SRGAP3: variants seen among roughly 807,000 people sequenced by gnomAD.
The protein encoded by SRGAP3 is SLIT-ROBO Rho GTPase activating protein 3.
Under a neutral mutation model 121.1 loss-of-function variants are expected in SRGAP3, and 39 were observed. The ratio of observed to expected loss-of-function variants is 0.32; its 90% CI spans 0.25 to 0.42. The LOEUF is 0.42. Ranked by LOEUF, SRGAP3 falls within the 10% of genes least tolerant of loss-of-function variation. The pLI, the probability that SRGAP3 is intolerant of heterozygous loss-of-function variation, is 1.00. For missense variants in SRGAP3, 1,213 were observed against 1,470.6 expected (o/e 0.82, Z 2.86); for synonymous variants, 601 against 570.0 (o/e 1.05, Z -0.77).
At chr3:9,118,465 G>T (rs1418486633) in intron 2 of SRGAP3, among the ~76,000 whole-genome samples, 1 of 152,212 alleles carries the variant, frequency 6.6e-6, no homozygotes, top group African/African-American at 2.4e-5. Context: ...TCCTGCTCAG[G>T]AAGGGCTCAG....
At chr3:9,057,768 T>A (rs1260215927) in intron 7 of SRGAP3, among the ~76,000 whole-genome samples, 1 of 152,206 alleles carries the variant, frequency 6.6e-6, no homozygotes, top group Non-Finnish European at 1.5e-5. Flanking sequence ...CATTTGTTTT[T>A]CGTTTGTTTT....
At chr3:9,353,172 C>T (rs73811475) in intron 1 of SRGAP3, among the ~76,000 whole-genome samples, 2,673 of 152,312 alleles carry the variant, frequency 0.018, 91 homozygotes, top group African/African-American at 0.06. Flanking sequence ...GACCTGATGG[C>T]TATCCATGTT....
intron 1 of SRGAP3, among the ~76,000 whole-genome samples, chr3:9,244,541 A>T (rs1419148014): frequency 3.9e-5 from 6 of 152,204 alleles, no homozygotes; most frequent in Non-Finnish European, 8.8e-5. Flanking sequence ...ACTAACCATC[A>T]TGTCTGGCAG....
At chr3:9,046,747 C>T (rs1338165310) in intron 10 of SRGAP3, among the ~76,000 whole-genome samples, 3 of 152,304 alleles carry the variant, frequency 2.0e-5, no homozygotes, top group East Asian at 3.9e-4. Context: ...CACTCCCTAC[C>T]TGATGGATGC....
In SRGAP3 at chr3:9,163,303, G is replaced by A. The variant is rs150705166; in HGVS notation, c.68-38386C>T. On this transcript the variant is annotated intron_variant, in intron 1 of 21. Transcript: ENST00000383836. ...CCAACCTGCGGCTCCAAGCTAAGGC[G>A]GCAGGGCCTGGGGCCTCCTCCAGGG... is the stretch of plus-strand genomic sequence containing the variant. 4.4e-3 allele frequency among the ~76,000 whole-genome samples: 668 copies of A among 152,284 alleles called. 3 individuals carry two copies. Among genetic ancestry groups the A allele is most frequent in the African/African-American group, 0.015 (625 of 41,560 alleles).
intron 1 of SRGAP3, among the ~76,000 whole-genome samples, chr3:9,213,937 A>G (rs1421570577): frequency 6.6e-6 from 1 of 152,128 alleles, no homozygotes; most frequent in Admixed American, 6.5e-5. Flanking sequence ...TGACATTTCA[A>G]TATCAGCTTA....
intron 1 of SRGAP3, among the ~76,000 whole-genome samples, chr3:9,354,655 C>T (rs202015304): frequency 2.2e-5 from 3 of 133,386 alleles, no homozygotes; most frequent in Non-Finnish European, 4.6e-5. Context: ...GCACTCCAGC[C>T]GGGGTGACAG....
chr3:9,309,523 T>C (rs1022902061), intron 3 of SRGAP3, among the ~76,000 whole-genome samples: 6 of 152,138 alleles, frequency 3.9e-5, no homozygotes, highest in African/African-American at 1.4e-4. Flanking sequence ...ATCCAGGAAA[T>C]TAGGATCAAT....
At chr3:9,320,547 C>T (rs1479231393) in intron 3 of SRGAP3, among the ~76,000 whole-genome samples, 2 of 151,922 alleles carry the variant, frequency 1.3e-5, no homozygotes, top group Non-Finnish European at 2.9e-5. Context: ...CCTTTGCTTT[C>T]CGCCATGATT....
intron 1 of SRGAP3, among the ~76,000 whole-genome samples, chr3:9,361,426 G>T (rs2030818575): frequency 1.3e-5 from 2 of 152,052 alleles, no homozygotes; most frequent in Non-Finnish European, 2.9e-5. Flanking sequence ...TATAAATTGT[G>T]TTCTTTTTGG....
At chr3:9,112,623 C>T (rs534365224) in intron 2 of SRGAP3, among the ~76,000 whole-genome samples, 7 of 152,264 alleles carry the variant, frequency 4.6e-5, no homozygotes, top group African/African-American at 1.7e-4. Flanking sequence ...CTGCCCTCTC[C>T]TGGGGAAGGC....
At chr3:9,288,328 G>T (rs1387741947) in intron 3 of SRGAP3, among the ~76,000 whole-genome samples, 1 of 151,222 alleles carries the variant, frequency 6.6e-6, no homozygotes, top group Non-Finnish European at 1.5e-5. Flanking sequence ...AGTAGAGACG[G>T]GTTTCACCAT....
At chr3:9,064,304 A>T in intron 5 of SRGAP3, 92 bp downstream of exon 5, 1 of 1,553,850 alleles carries the variant, frequency 6.4e-7, no homozygotes. Flanking sequence ...ATGCAGGGGA[A>T]TAAGGGGGAA....
At chr3:9,198,731 G>T (rs1951983897) in intron 1 of SRGAP3, among the ~76,000 whole-genome samples, 1 of 152,178 alleles carries the variant, frequency 6.6e-6, no homozygotes, top group Non-Finnish European at 1.5e-5. Context: ...GGAAGAGGTT[G>T]CAGGGCCCAG....
chr3:9,026,185 C>T (rs964523019), intron 13 of SRGAP3, among the ~76,000 whole-genome samples: 3 of 152,200 alleles, frequency 2.0e-5, no homozygotes, highest in Non-Finnish European at 2.9e-5. Flanking sequence ...ATCACCCCCT[C>T]GGAGAAATCT....
intron 1 of SRGAP3, among the ~76,000 whole-genome samples, chr3:9,237,533 C>T (rs2245077): frequency 0.11 from 16,191 of 152,208 alleles, 957 homozygotes; most frequent in South Asian, 0.18. Flanking sequence ...TGCTGTTCGG[C>T]TACTTAAGAT....
upstream of SRGAP3, among the ~76,000 whole-genome samples, chr3:9,251,336 G>C (rs1954011649): frequency 6.6e-6 from 1 of 152,156 alleles, no homozygotes; most frequent in Non-Finnish European, 1.5e-5. Context: ...CGCAGCCCTT[G>C]CCATCACCCC....
chr3:9,182,070 G>C (rs1312967240), intron 1 of SRGAP3, among the ~76,000 whole-genome samples: 8 of 151,104 alleles, frequency 5.3e-5, no homozygotes, highest in African/African-American at 1.7e-4. Context: ...CATCTACTCG[G>C]GAGGCTGAGG....
At chr3:9,180,388 A>G (rs1003561064) in intron 1 of SRGAP3, among the ~76,000 whole-genome samples, 2 of 152,126 alleles carry the variant, frequency 1.3e-5, no homozygotes, top group African/African-American at 4.8e-5. Flanking sequence ...GGCTAGGAGG[A>G]AGTTATTCTC....
Sources: allele counts gnomAD v4.1 joint callset (sites outside exome capture counted in the v4.1 genomes callset), GRCh38; gene constraint gnomAD v4.1.1; transcripts MANE v1.5; gene names NCBI Gene and HGNC (gene_info 2026-07-23, HGNC 2026-07-21).